Variants in HABP4 observed in about 807,000 individuals in gnomAD.
HABP4 encodes the protein intracellular hyaluronan-binding protein 4.
A neutral mutation model predicts 44.1 loss-of-function variants in HABP4; 32 were observed. That is an observed-to-expected ratio of 0.73 (90% CI 0.55 to 0.97). The LOEUF (loss-of-function observed/expected upper bound fraction) is 0.97, where lower values mean the gene tolerates loss of function less well. Among genes scored for constraint, HABP4 ranks in the 50% least tolerant of loss-of-function variants. The probability of loss-of-function intolerance (pLI) is 0.00; values close to 1 mark genes in which losing one functional copy is unlikely to be tolerated. For missense variants in HABP4, 503 were observed against 561.9 expected (o/e 0.90, Z 1.06); for synonymous variants, 216 against 218.0 (o/e 0.99, Z 0.08).
chr9:96,479,141 C>A (rs1025453291), intron 5 of HABP4, among the ~76,000 whole-genome samples: 1 of 152,098 alleles, frequency 6.6e-6, no homozygotes, highest in African/African-American at 2.4e-5. Context: ...ATTTCCAATT[C>A]GAAGTTAAGA....
chr9:96,484,594 C>T lies in HABP4; in HGVS notation c.960C>T (p.Ser320=). The change falls in exon 6 of 8, where the codon TCC becomes TCT. Residue 320 remains serine (S), a synonymous_variant. Coordinates refer to ENST00000375249, the MANE Select transcript of HABP4 (RefSeq NM_014282.4). ...GGAAACCAGAATCCACTGTTCCTTC[C>T]AAAGCCGTGGTGATTCACAAGTCAA... is the stretch of plus-strand genomic sequence containing the variant. ...NIRKPESTVP[S]KAVVIHKSKY... is the part of the protein sequence containing the mutation. 1 of 1,598,700 alleles carries T rather than the reference C, an allele frequency of 6.3e-7. No homozygotes were observed. Among genetic ancestry groups the T allele is most frequent in the Non-Finnish European group, 8.6e-7 (1 of 1,165,956 alleles).
At position 96,488,103 on chromosome 9, in the gene HABP4, C is replaced by T. The variant is rs1280031146; in HGVS notation, c.1014C>T (p.Asp338=). The change falls in exon 7 of 8, where the codon GAC becomes GAT. Residue 338 remains aspartate (D), a synonymous_variant. Transcript: ENST00000375249. This position sits in a 1 kb window ranked among gnomAD's most constrained non-coding sequence, Gnocchi z 4.6. ...SKYRDDMVKD[D]YEDDSHVFRK... ...TTGTGTTTCAGATGGTAAAAGATGA[C>T]TATGAGGACGATTCCCATGTTTTCC... 5.6e-6 allele frequency: 9 copies of T among 1,611,754 alleles called. No homozygotes were observed. The South Asian group carries it at 8.8e-5, about 16-fold the overall frequency.
intron 1 of HABP4, among the ~76,000 whole-genome samples, chr9:96,456,553 G>A (rs937027226): frequency 5.3e-5 from 8 of 151,646 alleles, no homozygotes; most frequent in Admixed American, 1.3e-4. Context: ...GAGGTCAGGA[G>A]ATTGAGACCA....
chr9:96,470,804 G>A (rs1213564488), intron 4 of HABP4, among the ~76,000 whole-genome samples: 2 of 151,222 alleles, frequency 1.3e-5, no homozygotes, highest in Non-Finnish European at 2.9e-5. Context: ...GGCTGAGGGA[G>A]GAGAATCACT....
rs1833071626 is a variant in HABP4 at position 96,490,463 on chromosome 9, T to G, written c.*425T>G. On this transcript the variant is annotated 3_prime_UTR_variant, in exon 8 of 8. Coordinates refer to ENST00000375249, the MANE Select transcript of HABP4 (RefSeq NM_014282.4). The stretch of plus-strand genomic sequence containing the variant: ...ACTGTTAATGGAAAGCAGTCACAGC[T>G]GAGTTTTCGGAGACCAAGAAATTAA... 6.3e-6 allele frequency: 1 copy of G among 158,614 alleles called. No individual in the cohort carries two copies. The highest frequency in any genetic ancestry group is 2.0e-4 in the South Asian group (1 of 4,916). The allele number at this position is 158,614 out of a possible 1,614,324, so 9.8% of individuals were successfully genotyped here. A position where few individuals can be genotyped will look rare whatever the true frequency, so the allele number is the denominator to read the frequency against.
In HABP4 at chr9:96,471,026, T is replaced by C; in HGVS notation, c.759T>C (p.Thr253=). 2.5e-6 allele frequency: 4 copies of C among 1,603,032 alleles called. No homozygotes were observed. The highest frequency in any genetic ancestry group is 3.4e-6 in the Non-Finnish European group (4 of 1,169,872). The change falls in exon 5 of 8, where the codon ACT becomes ACC. Residue 253 remains threonine, a synonymous_variant. Transcript: ENST00000375249. ...TGTTTTTCAGTGATGTGGAGCCAACTGCACCGATGGAGGAACCCACAGTGG... is the reference window on the plus strand; with the variant it reads ...TGTTTTTCAGTGATGTGGAGCCAACCGCACCGATGGAGGAACCCACAGTGG... The part of the protein sequence containing the change: ...SGKDTSDVEP[T]APMEEPTVVE...
chr9:96,467,469 TCTTTC>T (rs1832621364), intron 4 of HABP4, among the ~76,000 whole-genome samples: 1 of 151,806 alleles, frequency 6.6e-6, no homozygotes, highest in Non-Finnish European at 1.5e-5. Context: ...ATAGGCACTT[TCTTTC>T]CTTCTTTCTT....
At chr9:96,458,577 A>T in intron 2 of HABP4, 36 bp downstream of exon 2, 1 of 1,453,302 alleles carries the variant, frequency 6.9e-7, no homozygotes, top group Non-Finnish European at 9.5e-7. Context: ...CGGGTGGGGA[A>T]CCAGAAAGGT....
intron 7 of HABP4, among the ~76,000 whole-genome samples, chr9:96,489,010 T>C (rs535445635): frequency 6.6e-6 from 1 of 152,270 alleles, no homozygotes; most frequent in Admixed American, 6.5e-5. Context: ...TAATGTGGTA[T>C]GGACACTTAT....
intron 5 of HABP4, among the ~76,000 whole-genome samples, chr9:96,474,129 A>G (rs917163431): frequency 3.3e-5 from 5 of 152,200 alleles, no homozygotes; most frequent in Admixed American, 1.3e-4. Flanking sequence ...TTCAAGAGTG[A>G]AAGGCCACAG....
chr9:96,470,449 A>C (rs1328706331), intron 4 of HABP4, among the ~76,000 whole-genome samples: 1 of 152,194 alleles, frequency 6.6e-6, no homozygotes, highest in Non-Finnish European at 1.5e-5. Context: ...CATTTTAAAA[A>C]ACAAAAGTTA....
At chr9:96,484,066 G>C (rs948583004) in intron 5 of HABP4, 2 of 155,328 alleles carry the variant, frequency 1.3e-5, no homozygotes, top group African/African-American at 4.8e-5. Flanking sequence ...ATTTGCAAAA[G>C]TATGCATTCA....
At chr9:96,481,242 T>A (rs944735671) in intron 5 of HABP4, among the ~76,000 whole-genome samples, 1 of 152,094 alleles carries the variant, frequency 6.6e-6, no homozygotes. Context: ...TACAGGCGTG[T>A]GCCACCACAC....
intron 5 of HABP4, among the ~76,000 whole-genome samples, chr9:96,475,779 T>C (rs1368824735): frequency 6.6e-6 from 1 of 152,238 alleles, no homozygotes; most frequent in African/African-American, 2.4e-5. Context: ...CCATCCTTCC[T>C]GAAAAATACT....
intron 1 of HABP4, among the ~76,000 whole-genome samples, chr9:96,451,157 C>T (rs1266780837): frequency 6.6e-6 from 1 of 152,226 alleles, no homozygotes; most frequent in Non-Finnish European, 1.5e-5. Context: ...GCGGTCCGGC[C>T]TGGCGCCTTC....
intron 5 of HABP4, among the ~76,000 whole-genome samples, chr9:96,478,377 C>T (rs1441767576): frequency 6.6e-6 from 1 of 152,122 alleles, no homozygotes; most frequent in African/African-American, 2.4e-5. Context: ...GTGATTCGCC[C>T]TCCTCGGCCT....
At chr9:96,472,028 A>G (rs1832706963) in intron 5 of HABP4, among the ~76,000 whole-genome samples, 1 of 152,090 alleles carries the variant, frequency 6.6e-6, no homozygotes. Context: ...ACCTCAGGTG[A>G]TCCGCCCATC....
At chr9:96,475,390 CAA>C (rs61553823) in intron 5 of HABP4, among the ~76,000 whole-genome samples, 1,660 of 94,070 alleles carry the variant, frequency 0.018, 36 homozygotes, top group African/African-American at 0.059. Flanking sequence ...ACAACAACAA[CAA>C]AAAAAAAAAA....
At chr9:96,458,727 A>G (rs1430741501) in intron 2 of HABP4, among the ~76,000 whole-genome samples, 186 bp downstream of exon 2, 2 of 151,556 alleles carry the variant, frequency 1.3e-5, no homozygotes, top group Non-Finnish European at 1.5e-5. Context: ...GGTTCAAGCA[A>G]TTCTCCTGCC....
Sources: gnomAD v4.1 joint callset for allele counts (sites outside exome capture counted in the v4.1 genomes callset) on GRCh38, gnomAD v4.1.1 for gene constraint, Gnocchi (gnomAD v3.1) non-coding constraint, MANE v1.5 for transcripts, NCBI Gene and HGNC (gene_info 2026-07-23, HGNC 2026-07-21) for gene names.